Variants in OXCT1 observed in about 807,000 individuals in gnomAD.
OXCT1 encodes 3-oxoacid CoA-transferase 1, also known as succinyl-CoA:3-ketoacid coenzyme A transferase 1, mitochondrial.
In OXCT1, 27 loss-of-function variants were observed where a neutral mutation model predicts 69.6. The ratio of observed to expected loss-of-function variants is 0.39; its 90% confidence interval spans 0.29 to 0.54. The LOEUF (loss-of-function observed/expected upper bound fraction) is 0.54, where lower values mean the gene tolerates loss of function less well. Ranked by LOEUF, OXCT1 falls within the 20% of genes least tolerant of loss-of-function variation. The probability of loss-of-function intolerance (pLI) is 0.72; values close to 1 mark genes in which losing one functional copy is unlikely to be tolerated. For synonymous variants in OXCT1, 202 were observed against 217.8 expected, an observed-to-expected ratio of 0.93 and a Z score of 0.64; for missense variants, 437 against 650.2, an observed-to-expected ratio of 0.67 and a Z score of 3.57.
intron 13 of OXCT1, 138 bp downstream of exon 13, chr5:41,793,864 TA>T: frequency 1.5e-6 from 1 of 661,526 alleles, no homozygotes; most frequent in South Asian, 1.9e-5. Context: ...CTTACTTAAT[TA>T]AAATTTGATT....
chr5:41,841,781 A>G (rs1030098380), intron 6 of OXCT1, among the ~76,000 whole-genome samples: 2 of 152,182 alleles, frequency 1.3e-5, no homozygotes, highest in East Asian at 3.8e-4. Flanking sequence ...TACTCCTGTT[A>G]TTGCCAAAAT....
At chr5:41,787,634 CAA>C (rs765691863) in intron 13 of OXCT1, among the ~76,000 whole-genome samples, 10 of 34,734 alleles carry the variant, frequency 2.9e-4, no homozygotes, top group African/African-American at 8.4e-4. Context: ...AAGCATTAGG[CAA>C]AAAAAAAAAA....
chr5:41,776,664 T>G (rs2112161749), intron 13 of OXCT1, among the ~76,000 whole-genome samples: 1 of 152,240 alleles, frequency 6.6e-6, no homozygotes, highest in East Asian at 1.9e-4. Context: ...TTTATTTCTT[T>G]GCAGAATCCA....
intron 16 of OXCT1, among the ~76,000 whole-genome samples, chr5:41,736,409 T>C (rs911204827): frequency 6.6e-6 from 1 of 152,306 alleles, no homozygotes; most frequent in African/African-American, 2.4e-5. Context: ...TCATTACAGG[T>C]TTTTTAAAGT....
intron 3 of OXCT1, among the ~76,000 whole-genome samples, chr5:41,854,457 T>A (rs1433872930): frequency 6.6e-6 from 1 of 152,196 alleles, no homozygotes; most frequent in Non-Finnish European, 1.5e-5. Context: ...ATGAATTATT[T>A]TTCCATTTCA....
rs1219956106 is a variant in OXCT1 at position 41,850,088 on chromosome 5, C to G, written c.506G>C (p.Gly169Ala). 1 of 1,613,970 alleles carries G rather than the reference C, an allele frequency of 6.2e-7. No homozygotes were observed. The highest frequency in any genetic ancestry group is 8.5e-7 in the Non-Finnish European group (1 of 1,179,910). The change falls in exon 5 of 17, where the codon GGA becomes GCA. Residue 169 changes from glycine to alanine, a missense_variant. Gly to Ala is a moderately conservative substitution (Grantham distance 60, BLOSUM62 0). This residue lies in a region of OXCT1 where 252 missense variants were observed against 397.4 expected (regional missense o/e 0.63). Transcript: ENST00000196371. ...ATCTTTGTTGTATTTGATGGGCGAT[C>G]CTCCTTCTTGTACCAGGGTCCCATA... ...TGYGTLVQEG[G>A]SPIKYNKDGS... is the part of the protein sequence containing the mutation.
At chr5:41,857,593 C>G (rs956726231) in intron 3 of OXCT1, among the ~76,000 whole-genome samples, 1 of 151,664 alleles carries the variant, frequency 6.6e-6, no homozygotes, top group Non-Finnish European at 1.5e-5. Context: ...TCCTCTGGCT[C>G]TCTCCCTGAG....
intron 7 of OXCT1, among the ~76,000 whole-genome samples, chr5:41,823,386 A>G (rs1747657414): frequency 6.6e-6 from 1 of 152,184 alleles, no homozygotes. Flanking sequence ...GCCCCTCCCA[A>G]GACCAGACCA....
intron 1 of OXCT1, among the ~76,000 whole-genome samples, chr5:41,869,054 C>G (rs1252294939): frequency 3.3e-5 from 5 of 152,176 alleles, no homozygotes; most frequent in African/African-American, 4.8e-5. Flanking sequence ...GCTTCAGCAC[C>G]GCTGCAATCT....
chr5:41,797,331 G>C (rs947138998), intron 11 of OXCT1, among the ~76,000 whole-genome samples: 1 of 152,060 alleles, frequency 6.6e-6, no homozygotes, highest in Non-Finnish European at 1.5e-5. Context: ...TCATTATCAA[G>C]GCCTCTGCTA....
intron 7 of OXCT1, among the ~76,000 whole-genome samples, chr5:41,824,847 T>C (rs1435922241): frequency 6.6e-6 from 1 of 152,214 alleles, no homozygotes; most frequent in African/African-American, 2.4e-5. Flanking sequence ...CTTTTTATAG[T>C]TAACCTGTAT....
chr5:41,846,607 T>C lies in OXCT1; in HGVS notation c.564+3423A>G, dbSNP rs577765677. The stretch of plus-strand genomic sequence containing the variant: ...CAATAAACATACGTGTGCATGTGTC[T>C]TTAAAGCAGCATGATTTATAGTCCT... On this transcript the variant is annotated intron_variant, in intron 5 of 16. Coordinates refer to ENST00000196371, the MANE Select transcript of OXCT1 (RefSeq NM_000436.4). 4.1e-3 allele frequency among the ~76,000 whole-genome samples: 629 copies of C among 152,288 alleles called. 3 individuals are homozygous for C. The highest frequency in any genetic ancestry group is 6.1e-3 in the Non-Finnish European group (416 of 68,038).
chr5:41,767,722 G>GTGTATATATATATATATATATATA (rs1554011237), intron 13 of OXCT1, among the ~76,000 whole-genome samples: 1 of 89,954 alleles, frequency 1.1e-5, no homozygotes, highest in African/African-American at 5.4e-5. Context: ...ATATGTGTGT[G>GTGTATATATATATATATATATATA]TATATATATA....
At chr5:41,831,513 A>G (rs1028245549) in intron 7 of OXCT1, among the ~76,000 whole-genome samples, 2 of 152,134 alleles carry the variant, frequency 1.3e-5, no homozygotes, top group African/African-American at 4.8e-5. Context: ...TATTATCAAG[A>G]TAGACCATCA....
chr5:41,805,673 T>G lies in OXCT1; in HGVS notation c.849A>C (p.Ser283=). 6.3e-7 allele frequency: 1 copy of G among 1,592,506 alleles called. No individual in the cohort carries two copies. The highest frequency in any genetic ancestry group is 8.6e-7 in the Non-Finnish European group (1 of 1,160,558). ...CTTCCCCATCTCCCTCTTTCCGGAT[T>G]GATAAACGCTTTAAATTAAACAGAA... ...EKYEKRIERL[S]IRKEGDGEAK... is the part of the protein sequence containing the mutation. The change falls in exon 9 of 17, where the codon TCA becomes TCC. Residue 283 remains serine (S), a synonymous_variant. Transcript: ENST00000196371.
intron 7 of OXCT1, among the ~76,000 whole-genome samples, chr5:41,830,713 T>G (rs555092690): frequency 6.6e-6 from 1 of 152,334 alleles, no homozygotes; most frequent in South Asian, 2.1e-4. Context: ...GGACAGAAGC[T>G]TCATTTTTCT....
At chr5:41,869,502 T>C (rs1750174822) in intron 1 of OXCT1, among the ~76,000 whole-genome samples, 1 of 152,156 alleles carries the variant, frequency 6.6e-6, no homozygotes, top group Non-Finnish European at 1.5e-5. Flanking sequence ...TGCCTCCGGA[T>C]ACCACTCGGT....
intron 7 of OXCT1, among the ~76,000 whole-genome samples, chr5:41,809,263 C>T: frequency 6.6e-6 from 1 of 151,776 alleles, no homozygotes. Context: ...TTTCCTTTTA[C>T]TTTTATAATC....
intron 15 of OXCT1, among the ~76,000 whole-genome samples, chr5:41,745,525 A>C (rs1743433695): frequency 6.6e-6 from 1 of 152,204 alleles, no homozygotes; most frequent in South Asian, 2.1e-4. Context: ...TTCAAAAGCT[A>C]GCAGAAGGCA....
Sources: gnomAD v4.1 joint callset for allele counts (sites outside exome capture counted in the v4.1 genomes callset) on GRCh38, gnomAD v4.1.1 for gene constraint, gnomAD v4.1.1 regional missense constraint, MANE v1.5 for transcripts, NCBI Gene and HGNC (gene_info 2026-07-23, HGNC 2026-07-21) for gene names.